The following DOCK4 variants were observed in gnomAD, a reference collection of about 807,000 sequenced individuals.
DOCK4 encodes the protein dedicator of cytokinesis 4, also known as dedicator of cytokinesis protein 4.
In DOCK4, 97 loss-of-function variants were observed where a neutral mutation model predicts 268.1. That is an observed-to-expected ratio of 0.36 (90% CI 0.31 to 0.43). The LOEUF (loss-of-function observed/expected upper bound fraction) is 0.43. Among genes scored for constraint, DOCK4 ranks in the 20% least tolerant of loss-of-function variants. DOCK4 has a pLI of 1.00. For missense variants in DOCK4, 2,145 were observed against 2,455.7 expected (o/e 0.87, Z 2.67); for synonymous variants, 954 against 887.2 (o/e 1.08, Z -1.34).
chr7:112,020,573 G>A (rs540819576), intron 1 of DOCK4, among the ~76,000 whole-genome samples: 6 of 150,722 alleles, frequency 4.0e-5, no homozygotes, highest in Non-Finnish European at 5.9e-5. Flanking sequence ...CGACTTAAAC[G>A]ATCATACCTT....
chr7:111,895,434 T>C (rs1449212049), intron 16 of DOCK4, among the ~76,000 whole-genome samples, 178 bp downstream of exon 16: 1 of 152,250 alleles, frequency 6.6e-6, no homozygotes, highest in Non-Finnish European at 1.5e-5. Flanking sequence ...CTCTAAAATA[T>C]GTTCTAAAAT....
chr7:111,813,949 T>C (rs977226866), intron 27 of DOCK4, among the ~76,000 whole-genome samples: 1 of 152,204 alleles, frequency 6.6e-6, no homozygotes, highest in Non-Finnish European at 1.5e-5. Flanking sequence ...ATGCTTAACA[T>C]GTGGTTATAA....
intron 7 of DOCK4, among the ~76,000 whole-genome samples, chr7:111,978,436 C>T (rs988023397): frequency 3.9e-5 from 6 of 152,104 alleles, no homozygotes; most frequent in South Asian, 2.1e-4. Flanking sequence ...TTCACCATGT[C>T]GCCCAGGCTG....
chr7:111,778,605 T>C (rs1376279709), intron 35 of DOCK4, among the ~76,000 whole-genome samples: 2 of 152,228 alleles, frequency 1.3e-5, no homozygotes, highest in Admixed American at 1.3e-4. Flanking sequence ...CTTTACTTTT[T>C]ATGATTTTTT....
chr7:112,030,950 G>T (rs1803220130), intron 1 of DOCK4, among the ~76,000 whole-genome samples: 1 of 152,206 alleles, frequency 6.6e-6, no homozygotes. Context: ...GCCTTTTAAG[G>T]CAGAAGTCAC....
At chr7:112,179,493 C>T (rs1022397934) in intron 1 of DOCK4, among the ~76,000 whole-genome samples, 1 of 149,752 alleles carries the variant, frequency 6.7e-6, no homozygotes. Context: ...GGAGTTTCAG[C>T]AAAGCACCCA....
At chr7:112,059,443 G>A (rs1023332571) in intron 1 of DOCK4, among the ~76,000 whole-genome samples, 15 of 152,052 alleles carry the variant, frequency 9.9e-5, no homozygotes, top group South Asian at 4.2e-4. Flanking sequence ...CCCCACCCGC[G>A]TTTCCAAATT....
chr7:111,755,668 G>C, intron 41 of DOCK4, 67 bp from the exon 42 acceptor site: 1 of 1,424,250 alleles, frequency 7.0e-7, no homozygotes, highest in South Asian at 1.2e-5. Flanking sequence ...CATGACTAGT[G>C]TTTGTCGGTC....
rs551404027 is a variant in DOCK4 at position 112,069,501 on chromosome 7, C to G, written c.38-65370G>C. Among the ~76,000 whole-genome samples, 3 of 152,176 alleles carry G rather than the reference C, an allele frequency of 2.0e-5. No homozygotes were observed. The South Asian group carries it at 6.2e-4, about 31-fold the overall frequency. On this transcript the variant is annotated intron_variant, in intron 1 of 52. Transcript: ENST00000428084. ...CTTAGAGAAAACTGGCTAAAACTGTCGTTCTCAGTTTCCTTACCTCTAAGA... is the reference window on the plus strand; with the variant it reads ...CTTAGAGAAAACTGGCTAAAACTGTGGTTCTCAGTTTCCTTACCTCTAAGA...
rs867877882 is a variant in DOCK4 at position 111,896,424 on chromosome 7, G to A, written c.1481-706C>T. On this transcript the variant is annotated intron_variant, in intron 15 of 52. Coordinates refer to ENST00000428084, the MANE Select transcript of DOCK4 (RefSeq NM_001363540.2). ...ATTATTTATAGATAGGGAAATTGAG[G>A]TCATAGATGTTAGGTAACTTGTTGT... Among the ~76,000 whole-genome samples, 8 of 151,170 alleles carry A rather than the reference G, an allele frequency of 5.3e-5. No homozygotes were observed. The South Asian group carries it at 1.5e-3, about 28-fold the overall frequency.
At chr7:112,043,380 GCTTA>G (rs1804564604) in intron 1 of DOCK4, among the ~76,000 whole-genome samples, 1 of 152,120 alleles carries the variant, frequency 6.6e-6, no homozygotes. Context: ...AAAAACAGGA[GCTTA>G]CTTGTTTTGA....
intron 1 of DOCK4, among the ~76,000 whole-genome samples, chr7:112,082,090 A>G (rs1808641755): frequency 6.6e-6 from 1 of 152,182 alleles, no homozygotes; most frequent in Admixed American, 6.5e-5. Context: ...TAGAGTTCTT[A>G]GCTCCGCACC....
At chr7:111,969,783 A>G (rs148451436) in intron 8 of DOCK4, among the ~76,000 whole-genome samples, 262 of 152,354 alleles carry the variant, frequency 1.7e-3, no homozygotes, top group African/African-American at 6.1e-3. Context: ...ACCTATGGAA[A>G]GCATAAACAA....
intron 1 of DOCK4, among the ~76,000 whole-genome samples, chr7:112,063,220 G>C (rs1370781268): frequency 2.0e-5 from 3 of 152,196 alleles, no homozygotes; most frequent in Non-Finnish European, 4.4e-5. Flanking sequence ...TACTGTTCAA[G>C]AGACAGAAGC....
intron 13 of DOCK4, among the ~76,000 whole-genome samples, chr7:111,908,244 C>G (rs538973552): frequency 3.4e-4 from 52 of 151,844 alleles, no homozygotes; most frequent in Admixed American, 8.5e-4. Flanking sequence ...GTCAGGAGAT[C>G]GAGACTATCT....
intron 41 of DOCK4, 143 bp downstream of exon 41, chr7:111,758,481 G>T: frequency 1.0e-6 from 1 of 955,156 alleles, no homozygotes; most frequent in Non-Finnish European, 1.5e-6. Context: ...TGGAGCTGCA[G>T]AACCACTAGA....
intron 1 of DOCK4, among the ~76,000 whole-genome samples, chr7:112,122,125 T>C (rs953041561): frequency 6.6e-6 from 1 of 152,202 alleles, no homozygotes; most frequent in Non-Finnish European, 1.5e-5. Flanking sequence ...TTACCCTGTC[T>C]TTTTATTTTT....
intron 6 of DOCK4, among the ~76,000 whole-genome samples, chr7:111,985,039 A>C (rs1383207119): frequency 6.6e-6 from 1 of 152,128 alleles, no homozygotes; most frequent in Non-Finnish European, 1.5e-5. Context: ...TGTGCTGAGA[A>C]GTATTCTAAG....
At chr7:111,739,078 G>T in intron 49 of DOCK4, 56 bp downstream of exon 49, 1 of 1,482,018 alleles carries the variant, frequency 6.7e-7, no homozygotes, top group Admixed American at 1.7e-5. Context: ...GCAGAGATAG[G>T]TAAGCAATTC....
Sources: gnomAD v4.1 joint callset for allele counts (sites outside exome capture counted in the v4.1 genomes callset) on GRCh38, gnomAD v4.1.1 for gene constraint, MANE v1.5 for transcripts, NCBI Gene and HGNC (gene_info 2026-07-23, HGNC 2026-07-21) for gene names.